WNT7A: variants seen among roughly 807,000 people sequenced by gnomAD.
The protein encoded by WNT7A is Wnt family member 7A, also known as protein Wnt-7a.
A neutral mutation model predicts 28.2 loss-of-function variants in WNT7A; 16 were observed. The observed-to-expected ratio is 0.57, with a 90% CI of 0.38 to 0.86. The LOEUF is 0.86. Ranked by LOEUF, WNT7A falls within the 40% of genes least tolerant of loss-of-function variation. The probability of loss-of-function intolerance (pLI) is 0.00; values close to 1 mark genes in which losing one functional copy is unlikely to be tolerated. For synonymous variants in WNT7A, 190 were observed against 195.9 expected (o/e 0.97, Z 0.25); for missense variants, 411 against 489.7 (o/e 0.84, Z 1.52).
At chr3:13,853,007 A>G (rs1396086136) in intron 3 of WNT7A, among the ~76,000 whole-genome samples, 1 of 152,148 alleles carries the variant, frequency 6.6e-6, no homozygotes, top group Non-Finnish European at 1.5e-5. Flanking sequence ...GCTCAAAAAC[A>G]TCAGGTCAGG....
intron 2 of WNT7A, among the ~76,000 whole-genome samples, chr3:13,872,990 T>C (rs1695048562): frequency 1.4e-5 from 2 of 147,966 alleles, no homozygotes; most frequent in South Asian, 4.7e-4. Flanking sequence ...CTGGAGCCCA[T>C]GCCTGGGTCC....
At chr3:13,828,505 CA>C (rs1694232635) in intron 3 of WNT7A, among the ~76,000 whole-genome samples, 1 of 152,208 alleles carries the variant, frequency 6.6e-6, no homozygotes, top group African/African-American at 2.4e-5. Flanking sequence ...ACCCTAACTG[CA>C]ACAGAAATCC....
rs1056438112 is a variant in WNT7A at position 13,879,968 on chromosome 3, G to A, written c.-152C>T. The A allele has an allele frequency of 1.6e-5, 8 of 506,744 alleles. No individual in the cohort carries two copies. Among genetic ancestry groups the A allele is most frequent in the African/African-American group, 1.0e-4 (5 of 49,620 alleles). The allele number at this position is 506,744 out of a possible 1,614,324, so 31.4% of individuals were successfully genotyped here. ...GCGCCCGTCCGCGCGCTCCGCGCCT[G>A]AGCCTCGCCAGGAGCACGGGAGCCA... On this transcript the variant is annotated 5_prime_UTR_variant, in exon 1 of 4. Transcript: ENST00000285018.
intron 3 of WNT7A, 41 bp downstream of exon 3, chr3:13,854,491 T>A (rs1205093083): frequency 1.2e-6 from 2 of 1,613,130 alleles, no homozygotes; most frequent in Non-Finnish European, 1.7e-6. Flanking sequence ...TTTTGCAGCA[T>A]CTCCGCGAGC....
rs1282624558 is a variant in WNT7A at position 13,848,413 on chromosome 3, C to T, written c.570+6119G>A. Among the ~76,000 whole-genome samples, 5 of 152,100 alleles carry T rather than the reference C, an allele frequency of 3.3e-5. No homozygotes were observed. The East Asian group carries it at 7.7e-4, about 23-fold the overall frequency. ...GTAAACTACCTACTTAGAAAATAGG[C>T]AAAAAGACATTAACAGATGCTACAC... On this transcript the variant is annotated intron_variant, in intron 3 of 3. Coordinates refer to ENST00000285018, the MANE Select transcript of WNT7A (RefSeq NM_004625.4).
intron 2 of WNT7A, among the ~76,000 whole-genome samples, chr3:13,860,730 C>T (rs962323126): frequency 3.3e-5 from 5 of 152,238 alleles, no homozygotes; most frequent in Admixed American, 6.5e-5. Context: ...CTCACTGCTC[C>T]GAGAACAGCC....
At chr3:13,874,322 G>A (rs1210877555) in intron 2 of WNT7A, among the ~76,000 whole-genome samples, 1 of 152,180 alleles carries the variant, frequency 6.6e-6, no homozygotes, top group Non-Finnish European at 1.5e-5. Flanking sequence ...CCAGACTTTT[G>A]TTATAGTTGC....
rs1309324483 is a variant in WNT7A at position 13,818,619 on chromosome 3, T to C, written c.*325A>G. On this transcript the variant is annotated 3_prime_UTR_variant, in exon 4 of 4. Coordinates refer to ENST00000285018, the MANE Select transcript of WNT7A (RefSeq NM_004625.4). The stretch of plus-strand genomic sequence containing the variant: ...TTCTTTTTAATTAAATAAATTAATA[T>C]TATTTTTATCAGAATAAATTGTTAA... The C allele has an allele frequency of 5.9e-6, 1 of 169,430 alleles. No individual in the cohort carries two copies. Among genetic ancestry groups the C allele is most frequent in the African/African-American group, 2.4e-5 (1 of 42,074 alleles). 10.5% of individuals were successfully genotyped at this position (169,430 alleles called of 1,614,324 possible).
At chr3:13,864,481 G>T (rs557259406) in intron 2 of WNT7A, among the ~76,000 whole-genome samples, 19 of 152,136 alleles carry the variant, frequency 1.2e-4, no homozygotes, top group African/African-American at 4.1e-4. Flanking sequence ...CCTACTTCAG[G>T]TGACCCATGT....
chr3:13,862,456 G>A (rs1451983150), intron 2 of WNT7A, among the ~76,000 whole-genome samples: 1 of 152,144 alleles, frequency 6.6e-6, no homozygotes, highest in African/African-American at 2.4e-5. Flanking sequence ...GCTATTTAAA[G>A]CCAATGGGTC....
intron 2 of WNT7A, among the ~76,000 whole-genome samples, chr3:13,869,643 G>A (rs1022582177): frequency 3.2e-5 from 2 of 62,450 alleles, no homozygotes; most frequent in Admixed American, 2.4e-4. Context: ...GAAAGACACA[G>A]AAAAGTAGAA....
chr3:13,830,010 C>A (rs982257773), intron 3 of WNT7A, among the ~76,000 whole-genome samples: 2 of 152,186 alleles, frequency 1.3e-5, no homozygotes, highest in South Asian at 2.1e-4. Flanking sequence ...CCTGGCATGG[C>A]AACCCCAGGG....
intron 3 of WNT7A, among the ~76,000 whole-genome samples, chr3:13,820,294 G>A (rs1476373983): frequency 6.6e-6 from 1 of 152,188 alleles, no homozygotes; most frequent in East Asian, 1.9e-4. Context: ...AATGGAGGAA[G>A]GGGTAAGTGA....
intron 3 of WNT7A, among the ~76,000 whole-genome samples, chr3:13,836,200 T>TAAAAA (rs200750554): frequency 7.4e-6 from 1 of 134,932 alleles, no homozygotes; most frequent in Non-Finnish European, 1.6e-5. Flanking sequence ...AGCTGGTTTT[T>TAAAAA]AAAAAAAAAA....
At chr3:13,829,562 G>A (rs761793727) in intron 3 of WNT7A, among the ~76,000 whole-genome samples, 22 of 152,302 alleles carry the variant, frequency 1.4e-4, no homozygotes, top group African/African-American at 4.3e-4. Flanking sequence ...GCTGTGGGGC[G>A]GAAGGAGCCA....
At chr3:13,860,758 G>A (rs1272186900) in intron 2 of WNT7A, among the ~76,000 whole-genome samples, 2 of 152,108 alleles carry the variant, frequency 1.3e-5, no homozygotes, top group South Asian at 4.2e-4. Context: ...CAGCTGTACG[G>A]GGAAGCCCCT....
At chr3:13,843,589 G>C (rs1330275033) in intron 3 of WNT7A, among the ~76,000 whole-genome samples, 1 of 151,910 alleles carries the variant, frequency 6.6e-6, no homozygotes, top group African/African-American at 2.4e-5. Context: ...GGGGGACTGA[G>C]CAGTACCCAA....
In WNT7A at chr3:13,817,876, G is replaced by C. The variant is rs185048778; in HGVS notation, c.*1068C>G. 14 of 152,332 alleles carry C rather than the reference G, an allele frequency of 9.2e-5. No homozygotes were observed. In the East Asian group the frequency reaches 2.3e-3, roughly 25 times the overall value. 9.4% of individuals were successfully genotyped at this position (152,332 alleles called of 1,614,324 possible). A position where few individuals can be genotyped will look rare whatever the true frequency, so the allele number is the denominator to read the frequency against. ...CTGCTTGAAAGGCCTGAGCTTAACA[G>C]GCTGAGGCTGGGGATTTGATTTCTT... On this transcript the variant is annotated 3_prime_UTR_variant, in exon 4 of 4. Coordinates refer to ENST00000285018, the MANE Select transcript of WNT7A (RefSeq NM_004625.4).
chr3:13,870,660 C>T (rs931588787), intron 2 of WNT7A, among the ~76,000 whole-genome samples: 4 of 152,290 alleles, frequency 2.6e-5, no homozygotes, highest in South Asian at 2.1e-4. Context: ...TGGTCCAATC[C>T]GAGTGAATCT....
Sources: allele counts gnomAD v4.1 joint callset (sites outside exome capture counted in the v4.1 genomes callset), GRCh38; gene constraint gnomAD v4.1.1; transcripts MANE v1.5; gene names NCBI Gene and HGNC (gene_info 2026-07-23, HGNC 2026-07-21).